CNTN4: variants seen among roughly 807,000 people sequenced by gnomAD.
CNTN4 encodes the protein contactin-4.
Under a neutral mutation model 122.5 loss-of-function variants are expected in CNTN4, and 77 were observed. The observed-to-expected ratio is 0.63, with a 90% confidence interval of 0.52 to 0.76. CNTN4 has a LOEUF of 0.76. CNTN4 is among the 30% of genes least tolerant of loss of function. The probability of loss-of-function intolerance (pLI) is 0.00; values close to 1 mark genes in which losing one functional copy is unlikely to be tolerated. For synonymous variants in CNTN4, 512 were observed against 447.0 expected (o/e 1.15, Z -1.83); for missense variants, 1,256 against 1,259.1 (o/e 1.00, Z 0.04).
intron 7 of CNTN4, among the ~76,000 whole-genome samples, chr3:2,864,740 C>CAAAAAAAAAAAAAAAG (rs2093705786): frequency 1.8e-5 from 1 of 54,704 alleles, no homozygotes; most frequent in Non-Finnish European, 3.3e-5. Flanking sequence ...AACTCCATCT[C>CAAAAAAAAAAAAAAAG]AAAAAAAAAA....
intron 4 of CNTN4, among the ~76,000 whole-genome samples, chr3:2,597,609 G>T (rs1220639678): frequency 6.6e-6 from 1 of 152,130 alleles, no homozygotes; most frequent in South Asian, 2.1e-4. Flanking sequence ...CAGCCTGAAG[G>T]CATGCATAAA....
chr3:2,900,329 A>G (rs550800355), intron 10 of CNTN4, among the ~76,000 whole-genome samples: 14 of 152,048 alleles, frequency 9.2e-5, no homozygotes, highest in African/African-American at 3.4e-4. Context: ...CTACCTGGAA[A>G]TATACCAGCC....
intron 3 of CNTN4, among the ~76,000 whole-genome samples, chr3:2,463,157 G>A (rs1022851260): frequency 4.0e-5 from 6 of 151,582 alleles, no homozygotes; most frequent in Non-Finnish European, 7.4e-5. Flanking sequence ...AAAGGCTGAA[G>A]ACCAAGATAT....
intron 3 of CNTN4, among the ~76,000 whole-genome samples, chr3:2,450,155 C>T (rs1006444009): frequency 2.0e-5 from 3 of 151,978 alleles, no homozygotes; most frequent in Non-Finnish European, 4.4e-5. Flanking sequence ...TCACTTGAGC[C>T]CAGGAATTTG....
chr3:2,592,504 G>C (rs1576136097), intron 4 of CNTN4, among the ~76,000 whole-genome samples: 1 of 152,276 alleles, frequency 6.6e-6, no homozygotes, highest in East Asian at 1.9e-4. Flanking sequence ...TCATGGGGAT[G>C]GGTCTTTCCC....
chr3:2,493,544 C>A (rs565825789), intron 3 of CNTN4, among the ~76,000 whole-genome samples: 1 of 150,862 alleles, frequency 6.6e-6, no homozygotes, highest in Admixed American at 6.7e-5. Context: ...AATATTCTTC[C>A]AGTGATTTCT....
intron 2 of CNTN4, among the ~76,000 whole-genome samples, chr3:2,317,600 C>G (rs966926432): frequency 1.3e-5 from 2 of 152,182 alleles, no homozygotes; most frequent in Non-Finnish European, 2.9e-5. Context: ...CTTTGGCCTA[C>G]CATTCCGTTC....
intron 3 of CNTN4, among the ~76,000 whole-genome samples, chr3:2,536,950 C>T (rs2077833453): frequency 6.6e-6 from 1 of 152,036 alleles, no homozygotes; most frequent in Non-Finnish European, 1.5e-5. Flanking sequence ...TTTCTTTCCT[C>T]AGCTTGTCTC....
intron 3 of CNTN4, among the ~76,000 whole-genome samples, chr3:2,468,453 A>G (rs2075578465): frequency 6.6e-6 from 1 of 152,198 alleles, no homozygotes; most frequent in Non-Finnish European, 1.5e-5. Flanking sequence ...TTAGAACAAG[A>G]TACTAAGTTG....
chr3:2,652,393 A>C (rs151244432), intron 4 of CNTN4, among the ~76,000 whole-genome samples: 23 of 152,316 alleles, frequency 1.5e-4, no homozygotes, highest in African/African-American at 5.1e-4. Context: ...TATTATTTCA[A>C]CTACTATCCT....
chr3:2,877,166 C>T (rs1440661211), intron 8 of CNTN4, among the ~76,000 whole-genome samples: 1 of 152,196 alleles, frequency 6.6e-6, no homozygotes, highest in Non-Finnish European at 1.5e-5. Context: ...ATTACTAAGC[C>T]ATGTGCTGAA....
At chr3:2,871,614 T>C (rs2093785393) in intron 8 of CNTN4, among the ~76,000 whole-genome samples, 1 of 152,174 alleles carries the variant, frequency 6.6e-6, no homozygotes, top group Non-Finnish European at 1.5e-5. Flanking sequence ...TGCAATTTTA[T>C]ATCTTTATTT....
chr3:3,055,995 T>G (rs1701751879), intron 24 of CNTN4, 125 bp from the exon 25 acceptor site: 1 of 676,560 alleles, frequency 1.5e-6, no homozygotes, highest in East Asian at 2.7e-5. Context: ...TAAAAGCCAT[T>G]AAGACCTTGA....
chr3:2,950,049 T>C (rs1018739065), intron 13 of CNTN4, among the ~76,000 whole-genome samples: 11 of 152,248 alleles, frequency 7.2e-5, no homozygotes, highest in Admixed American at 5.2e-4. Flanking sequence ...GCAAAGATGT[T>C]TGCATCCAGC....
At chr3:2,243,335 C>T (rs2040014752) in intron 2 of CNTN4, among the ~76,000 whole-genome samples, 1 of 152,100 alleles carries the variant, frequency 6.6e-6, no homozygotes, top group African/African-American at 2.4e-5. Flanking sequence ...CCAAATAAGA[C>T]AAGAGGTTCT....
At chr3:2,260,079 T>G (rs1049966403) in intron 2 of CNTN4, among the ~76,000 whole-genome samples, 14 of 152,206 alleles carry the variant, frequency 9.2e-5, no homozygotes, top group Non-Finnish European at 1.3e-4. Context: ...ATTACAGTTT[T>G]GTATAATTTA....
intron 4 of CNTN4, among the ~76,000 whole-genome samples, chr3:2,665,175 A>G (rs2084089659): frequency 6.6e-6 from 1 of 152,202 alleles, no homozygotes; most frequent in Non-Finnish European, 1.5e-5. Context: ...TGATTTGTTA[A>G]TGTTGCAAAT....
At chr3:2,314,150 C>A (rs1006590260) in intron 2 of CNTN4, among the ~76,000 whole-genome samples, 4 of 151,866 alleles carry the variant, frequency 2.6e-5, no homozygotes, top group African/African-American at 9.7e-5. Flanking sequence ...CAAGAGATGT[C>A]CAATTCTTAT....
Position 2,559,762 on chromosome 3 carries a change from A to T in CNTN4, c.-88-11654A>T, listed in dbSNP as rs1393584637. ...AGCATTTGTCAAATGGGGTGGAAAT[A>T]TCCCACCATCTGCATGTAGTCATGA... On this transcript the variant is annotated intron_variant, in intron 3 of 24. Transcript: ENST00000418658. Among the ~76,000 whole-genome samples the T allele has an allele frequency of 2.6e-5, 4 of 152,166 alleles. No homozygotes were observed. The East Asian group carries it at 7.7e-4, about 29-fold the overall frequency.
Sources: allele counts gnomAD v4.1 joint callset (sites outside exome capture counted in the v4.1 genomes callset), GRCh38; gene constraint gnomAD v4.1.1; transcripts MANE v1.5; gene names NCBI Gene and HGNC (gene_info 2026-07-23, HGNC 2026-07-21).